Variants in PCDHA9 observed in about 807,000 individuals in gnomAD.
The protein encoded by PCDHA9 is protocadherin alpha-9.
PCDHA9 carries 62 observed loss-of-function variants against 62.0 expected under a neutral mutation model. The ratio of observed to expected loss-of-function variants is 1.00; its 90% CI spans 0.81 to 1.23. PCDHA9 has a LOEUF of 1.23. Ranked by LOEUF, PCDHA9 falls within the 50% of genes most tolerant of loss-of-function variation. The pLI is 0.00. For missense variants in PCDHA9, 1,205 were observed against 1,249.8 expected (o/e 0.96, Z 0.54); for synonymous variants, 557 against 567.6 (o/e 0.98, Z 0.27).
At chr5:140,855,534 G>C (rs2043511154) in intron 1 of PCDHA9, among the ~76,000 whole-genome samples, 1 of 149,850 alleles carries the variant, frequency 6.7e-6, no homozygotes, top group Non-Finnish European at 1.5e-5. Context: ...AGAGAAGTAA[G>C]TTAAGTGTCA....
Position 140,849,684 on chromosome 5 carries a change from C to A in PCDHA9, c.1189C>A (p.Leu397Met), listed in dbSNP as rs782599904. Residue 397 changes from leucine to methionine, a missense_variant, in exon 1 of 4, where the codon CTG becomes ATG. Physicochemically the swap from Leu to Met is conservative, Grantham distance 15 (BLOSUM62 2). Coordinates refer to ENST00000532602, the MANE Select transcript of PCDHA9 (RefSeq NM_031857.2). Reference sequence around the variant, plus strand: ...CCTGACGCCCCACGTCCCCTTCAAGCTGGTGTCCACCTACAAGAATTACTA... The same window carrying A: ...CCTGACGCCCCACGTCCCCTTCAAGATGGTGTCCACCTACAAGAATTACTA... Reference protein sequence around the residue: ...CSLTPHVPFKLVSTYKNYYSL... With the variant: ...CSLTPHVPFKMVSTYKNYYSL... 1.3e-6 allele frequency: 2 copies of A among 1,598,734 alleles called. No individual in the cohort carries two copies. Among genetic ancestry groups the A allele is most frequent in the Non-Finnish European group, 8.6e-7 (1 of 1,168,028 alleles).
intron 1 of PCDHA9, chr5:140,877,670 C>T: frequency 6.8e-6 from 11 of 1,613,654 alleles, no homozygotes; most frequent in Non-Finnish European, 7.6e-6. Flanking sequence ...AGCCGGTGCG[C>T]GCCGGGCAAG....
At chr5:140,902,594 A>G (rs1208012043) in intron 1 of PCDHA9, among the ~76,000 whole-genome samples, 1 of 152,112 alleles carries the variant, frequency 6.6e-6, no homozygotes, top group Non-Finnish European at 1.5e-5. Context: ...TTTGGGAAAC[A>G]GGTCGTTTTC....
chr5:140,895,281 A>C (rs2064944456), intron 1 of PCDHA9, among the ~76,000 whole-genome samples: 1 of 152,118 alleles, frequency 6.6e-6, no homozygotes, highest in South Asian at 2.1e-4. Context: ...GGATAATTGA[A>C]TTAGGACCTT....
chr5:140,968,132 A>G, intron 1 of PCDHA9: 1 of 1,614,082 alleles, frequency 6.2e-7, no homozygotes, highest in Non-Finnish European at 8.5e-7. Flanking sequence ...GCGTACACTG[A>G]AGGTTGAGAT....
In PCDHA9 at chr5:140,883,821, A is replaced by G. The variant is rs376667172; in HGVS notation, c.2394+32932A>G. 3 of 1,612,334 alleles carry G rather than the reference A, an allele frequency of 1.9e-6. No homozygotes were observed. Among genetic ancestry groups the G allele is most frequent in the Non-Finnish European group, 2.5e-6 (3 of 1,179,764 alleles). The stretch of plus-strand genomic sequence containing the variant: ...GTGCACGCGGAGAGCGGCAAGGTGT[A>G]CGCGCTGCAGCCGTTGGACCACGAG... On this transcript the variant is annotated intron_variant, in intron 1 of 3. Coordinates refer to ENST00000532602, the MANE Select transcript of PCDHA9 (RefSeq NM_031857.2).
chr5:140,924,103 TC>T (rs1377290150), intron 1 of PCDHA9, among the ~76,000 whole-genome samples: 1 of 152,234 alleles, frequency 6.6e-6, no homozygotes, highest in African/African-American at 2.4e-5. Flanking sequence ...AAATTTTCAT[TC>T]CAAAGCAGTT....
chr5:140,899,140 G>A (rs2067159296), intron 1 of PCDHA9, among the ~76,000 whole-genome samples: 1 of 152,090 alleles, frequency 6.6e-6, no homozygotes, highest in Non-Finnish European at 1.5e-5. Flanking sequence ...CTGCAAACAG[G>A]GACAATTTGA....
At chr5:140,857,993 C>G (rs782150278) in intron 1 of PCDHA9, 1 of 1,597,064 alleles carries the variant, frequency 6.3e-7, no homozygotes. Flanking sequence ...CCTACTGGTG[C>G]TGGTGAAGGA....
intron 1 of PCDHA9, chr5:140,857,748 C>T: frequency 6.3e-7 from 1 of 1,597,386 alleles, no homozygotes; most frequent in Middle Eastern, 1.8e-4. Flanking sequence ...CTGCTGGCGT[C>T]TCCCGCTGGC....
intron 3 of PCDHA9, among the ~76,000 whole-genome samples, chr5:141,008,360 G>C (rs569459357): frequency 6.6e-6 from 1 of 152,220 alleles, no homozygotes; most frequent in South Asian, 2.1e-4. Flanking sequence ...TCAACCAAAG[G>C]AGCAGTGTTA....
chr5:140,880,801 GAA>G (rs1193515493), intron 1 of PCDHA9, among the ~76,000 whole-genome samples: 5 of 152,182 alleles, frequency 3.3e-5, no homozygotes, highest in African/African-American at 1.2e-4. Flanking sequence ...ATAAATAGGT[GAA>G]TGACTCTAGA....
rs75087916 is a variant in PCDHA9, at chr5:140,963,063, T to G, written c.2395-15886T>G. Among the ~76,000 whole-genome samples, 783 of 152,260 alleles carry G rather than the reference T, an allele frequency of 5.1e-3. 9 individuals carry two copies. Among genetic ancestry groups the G allele is most frequent in the African/African-American group, 0.018 (742 of 41,556 alleles). ...AGAGTCTATAAGGGTTTCTACATTGTGAAGGAGACAGAAATATAAGACATG... is the reference window on the plus strand; with the variant it reads ...AGAGTCTATAAGGGTTTCTACATTGGGAAGGAGACAGAAATATAAGACATG... On this transcript the variant is annotated intron_variant, in intron 1 of 3. Transcript: ENST00000532602.
intron 1 of PCDHA9, among the ~76,000 whole-genome samples, chr5:140,878,693 C>T (rs932928385): frequency 6.6e-6 from 1 of 152,136 alleles, no homozygotes; most frequent in South Asian, 2.1e-4. Context: ...TCTTACATAC[C>T]CCAGCCTGGT....
chr5:140,910,281 A>G (rs1198162778), intron 1 of PCDHA9, among the ~76,000 whole-genome samples: 4 of 151,152 alleles, frequency 2.6e-5, no homozygotes, highest in East Asian at 2.0e-4. Context: ...TAGGAACACC[A>G]TGATTAATCA....
intron 1 of PCDHA9, among the ~76,000 whole-genome samples, chr5:140,976,713 T>TA (rs1554237898): frequency 6.6e-6 from 1 of 152,216 alleles, no homozygotes; most frequent in Admixed American, 6.5e-5. Flanking sequence ...CTTTGCATTA[T>TA]AGTTCATTTA....
chr5:141,001,378 C>T (rs889628264), intron 3 of PCDHA9, among the ~76,000 whole-genome samples: 20 of 152,166 alleles, frequency 1.3e-4, no homozygotes, highest in African/African-American at 4.8e-4. Flanking sequence ...GATTACAGAG[C>T]CTAAGATCCT....
chr5:140,978,865 A>G, intron 1 of PCDHA9, 84 bp from the exon 2 acceptor site: 1 of 1,602,026 alleles, frequency 6.2e-7, no homozygotes, highest in South Asian at 1.1e-5. Flanking sequence ...GAAATATTTA[A>G]GGGAGTAACT....
At chr5:140,991,247 T>C (rs1211585397) in intron 3 of PCDHA9, among the ~76,000 whole-genome samples, 1 of 152,200 alleles carries the variant, frequency 6.6e-6, no homozygotes, top group Non-Finnish European at 1.5e-5. Flanking sequence ...AAAGGCAGTA[T>C]TTGAACTCAT....
Sources: allele counts gnomAD v4.1 joint callset (sites outside exome capture counted in the v4.1 genomes callset), GRCh38; gene constraint gnomAD v4.1.1; transcripts MANE v1.5; gene names NCBI Gene and HGNC (gene_info 2026-07-23, HGNC 2026-07-21).